Variants in MLIP observed in about 807,000 individuals in gnomAD.
MLIP encodes muscular LMNA-interacting protein.
A neutral mutation model predicts 84.8 loss-of-function variants in MLIP; 79 were observed. That is an observed-to-expected ratio of 0.93 (90% confidence interval 0.78 to 1.12). The LOEUF (loss-of-function observed/expected upper bound fraction) is 1.12. Among genes scored for constraint, MLIP ranks in the 50% most tolerant of loss-of-function variants. The pLI is 0.00. For synonymous variants in MLIP, 504 were observed against 463.0 expected, an observed-to-expected ratio of 1.09 and a Z score of -1.14; for missense variants, 1,257 against 1,160.6, an observed-to-expected ratio of 1.08 and a Z score of -1.21.
chr6:54,068,013 CTCCT>C (rs138001276), intron 1 of MLIP, among the ~76,000 whole-genome samples: 1 of 73,684 alleles, frequency 1.4e-5, no homozygotes, highest in East Asian at 4.4e-4. Flanking sequence ...TTCATGTCAG[CTCCT>C]TCCTTCCTTC....
intron 11 of MLIP, among the ~76,000 whole-genome samples, chr6:54,213,819 A>G (rs1321323971): frequency 3.7e-4 from 56 of 151,478 alleles, no homozygotes; most frequent in Non-Finnish European, 2.9e-5. Flanking sequence ...AGATATCTAC[A>G]TGCTTTTTGA....
intron 1 of MLIP, among the ~76,000 whole-genome samples, chr6:54,063,727 T>C (rs1000148949): frequency 1.2e-4 from 16 of 137,268 alleles, no homozygotes; most frequent in African/African-American, 5.6e-4. Context: ...GTGGCGTGTG[T>C]GTGTGTGTGT....
chr6:54,080,504 A>G (rs1398629346), intron 1 of MLIP, among the ~76,000 whole-genome samples: 1 of 151,904 alleles, frequency 6.6e-6, no homozygotes, highest in Non-Finnish European at 1.5e-5. Context: ...TTCACTTTCT[A>G]TTTAATATCA....
chr6:54,145,865 T>C (rs1005020037), intron 4 of MLIP, among the ~76,000 whole-genome samples: 1 of 148,810 alleles, frequency 6.7e-6, no homozygotes, highest in Non-Finnish European at 1.5e-5. Flanking sequence ...CATAAATAGA[T>C]TTACAGGATC....
At chr6:54,037,983 G>A (rs929776688) in intron 1 of MLIP, among the ~76,000 whole-genome samples, 9 of 151,770 alleles carry the variant, frequency 5.9e-5, no homozygotes, top group East Asian at 1.9e-4. Flanking sequence ...TAACAAAATC[G>A]TCTAGATCAA....
At chr6:54,263,862 A>G (rs1783536572) in intron 13 of MLIP, among the ~76,000 whole-genome samples, 1 of 152,062 alleles carries the variant, frequency 6.6e-6, no homozygotes, top group Non-Finnish European at 1.5e-5. Context: ...ACTGAGCCTT[A>G]ACTGCCAGTG....
At chr6:54,114,746 G>A (rs1364813184) in intron 1 of MLIP, among the ~76,000 whole-genome samples, 1 of 152,182 alleles carries the variant, frequency 6.6e-6, no homozygotes, top group Non-Finnish European at 1.5e-5. Context: ...TTTGTTCACT[G>A]TTATGGCACC....
chr6:54,217,574 G>A (rs1370290176), intron 11 of MLIP: 1 of 984,308 alleles, frequency 1.0e-6, no homozygotes, highest in African/African-American at 1.7e-5. Context: ...ATAAGTTCCT[G>A]TCTTCTTGAA....
intron 2 of MLIP, 66 bp from the exon 3 acceptor site, chr6:54,124,407 A>C: frequency 6.9e-7 from 1 of 1,441,890 alleles, no homozygotes; most frequent in Non-Finnish European, 9.4e-7. Flanking sequence ...TTTTCAGTGT[A>C]CATGCCAAAA....
intron 1 of MLIP, among the ~76,000 whole-genome samples, chr6:54,073,034 G>GT (rs1259590082): frequency 6.6e-6 from 1 of 152,144 alleles, no homozygotes; most frequent in Non-Finnish European, 1.5e-5. Context: ...ATGATCAGAA[G>GT]TCCCATGGCA....
chr6:54,094,776 C>G (rs1768098221), intron 1 of MLIP, among the ~76,000 whole-genome samples: 1 of 152,062 alleles, frequency 6.6e-6, no homozygotes, highest in East Asian at 1.9e-4. Context: ...TAGACTCACT[C>G]AGAAACTTAG....
intron 12 of MLIP, among the ~76,000 whole-genome samples, chr6:54,232,123 A>G (rs549404426): frequency 4.6e-5 from 7 of 152,138 alleles, no homozygotes; most frequent in Non-Finnish European, 7.4e-5. Flanking sequence ...AATATTTTAA[A>G]AATTATTTTA....
chr6:54,046,846 A>G (rs146276396), intron 1 of MLIP: 39 of 152,260 alleles, frequency 2.6e-4, no homozygotes, highest in African/African-American at 8.4e-4. Context: ...AATTAACTAA[A>G]ATTGAGCTAA....
chr6:54,054,505 GTGAAC>G (rs1765542014), intron 1 of MLIP, among the ~76,000 whole-genome samples: 1 of 150,912 alleles, frequency 6.6e-6, no homozygotes, highest in African/African-American at 2.4e-5. Flanking sequence ...GTAATGGAAT[GTGAAC>G]TGAAAGCAGA....
intron 10 of MLIP, among the ~76,000 whole-genome samples, chr6:54,196,895 T>A (rs1304514292): frequency 6.6e-6 from 1 of 152,140 alleles, no homozygotes; most frequent in African/African-American, 2.4e-5. Context: ...GAGGTGGAGA[T>A]TGCTATTTTA....
chr6:54,111,324 C>G, upstream of MLIP: 1 of 1,304,550 alleles, frequency 7.7e-7, no homozygotes, highest in Non-Finnish European at 1.0e-6. Context: ...GAAATCTACT[C>G]TTCGGAGCTG....
At chr6:54,239,532 A>C (rs1781590512) in intron 12 of MLIP, among the ~76,000 whole-genome samples, 1 of 150,832 alleles carries the variant, frequency 6.6e-6, no homozygotes, top group African/African-American at 2.4e-5. Context: ...GCACTTTGGG[A>C]GGCTGAGGTA....
intron 1 of MLIP, chr6:54,030,720 A>G (rs950650354): frequency 2.6e-5 from 4 of 152,208 alleles, no homozygotes; most frequent in African/African-American, 9.6e-5. Context: ...TTTCTAAAAA[A>G]TATGCAGTCT....
chr6:54,175,644 T>C (rs2150614447), intron 9 of MLIP, among the ~76,000 whole-genome samples: 1 of 152,174 alleles, frequency 6.6e-6, no homozygotes, highest in Non-Finnish European at 1.5e-5. Flanking sequence ...TAATAGTTTT[T>C]TGGTGGAGTA....
Sources: gnomAD v4.1 joint callset for allele counts (sites outside exome capture counted in the v4.1 genomes callset) on GRCh38, gnomAD v4.1.1 for gene constraint, MANE v1.5 for transcripts, NCBI Gene and HGNC (gene_info 2026-07-23, HGNC 2026-07-21) for gene names.